Variants in SVEP1 observed in about 807,000 individuals in gnomAD.
The protein encoded by SVEP1 is sushi, von Willebrand factor type A, EGF and pentraxin domain-containing protein 1.
In SVEP1, 164 loss-of-function variants were observed where a neutral mutation model predicts 367.3. That is an observed-to-expected ratio of 0.45 (90% CI 0.39 to 0.51). SVEP1 has a LOEUF of 0.51. Ranked by LOEUF, SVEP1 falls within the 20% of genes least tolerant of loss-of-function variation. The pLI is 0.00. For missense variants in SVEP1, 4,117 were observed against 4,425.3 expected (o/e 0.93, Z 1.98); for synonymous variants, 1,666 against 1,611.6 (o/e 1.03, Z -0.81).
chr9:110,441,971 T>C (rs1828515679), intron 27 of SVEP1, among the ~76,000 whole-genome samples: 1 of 152,188 alleles, frequency 6.6e-6, no homozygotes, highest in Non-Finnish European at 1.5e-5. Context: ...ATGTCCGCCC[T>C]CTCTACCTGC....
At chr9:110,508,944 T>G (rs1588085893) in intron 5 of SVEP1, among the ~76,000 whole-genome samples, 1 of 152,164 alleles carries the variant, frequency 6.6e-6, no homozygotes, top group East Asian at 1.9e-4. Context: ...TTAGATTTTA[T>G]GCAGGTCTTT....
In SVEP1 at chr9:110,379,327, CCATT is replaced by C. The variant is rs1477081593; in HGVS notation, c.10408+16_10408+19del. The C allele has an allele frequency of 1.2e-6, 2 of 1,610,284 alleles. No homozygotes were observed. The highest frequency in any genetic ancestry group is 1.7e-6 in the Non-Finnish European group (2 of 1,177,640). ...TCCCTGCAGTTTCACTAAGAAATAA[CCATT>C]CAAATATTTCCTTACCTCTGCAAAT... On this transcript the variant is annotated intron_variant, in intron 44 of 47. Coordinates refer to ENST00000374469, the MANE Select transcript of SVEP1 (RefSeq NM_153366.4).
chr9:110,377,683 T>C (rs989627089), intron 44 of SVEP1, among the ~76,000 whole-genome samples: 2 of 152,240 alleles, frequency 1.3e-5, no homozygotes, highest in African/African-American at 4.8e-5. Flanking sequence ...AGCACATTCA[T>C]CCCCTCACAT....
At position 110,406,487 on chromosome 9, in the gene SVEP1, A is replaced by G; in HGVS notation, c.9113T>C (p.Leu3038Pro). The change falls in exon 38 of 48, where the codon CTC becomes CCC. Residue 3038 changes from leucine to proline, a missense_variant. By Grantham distance (98) the Leu-to-Pro change is moderately conservative (BLOSUM62 -3). Transcript: ENST00000374469. ...ARIQCFKGFK[L>P]LGLSEITCEA... ...ACAGGTGATTTCAGAAAGTCCTAGG[A>G]GCTTGAAGCCTTTGAAGCACTGAAT... 1 of 1,613,896 alleles carries G rather than the reference A, an allele frequency of 6.2e-7. No individual in the cohort carries two copies. The highest frequency in any genetic ancestry group is 1.1e-5 in the South Asian group (1 of 91,088).
intron 9 of SVEP1, among the ~76,000 whole-genome samples, chr9:110,486,626 C>T (rs559777724): frequency 1.3e-5 from 2 of 149,448 alleles, no homozygotes; most frequent in African/African-American, 5.0e-5. Flanking sequence ...CTTCCTTCTC[C>T]TTCCTTCTCT....
chr9:110,508,442 A>G (rs1829656592), intron 5 of SVEP1, among the ~76,000 whole-genome samples: 1 of 152,210 alleles, frequency 6.6e-6, no homozygotes, highest in Admixed American at 6.5e-5. Context: ...GAAACCACAA[A>G]AGAATCCTTT....
chr9:110,479,777 C>G lies in SVEP1; in HGVS notation c.2366-21G>C, dbSNP rs1417738786. On this transcript the variant is annotated intron_variant, in intron 12 of 47. Transcript: ENST00000374469. ...TTTTTCTAGAAAATGTTGGACAAAA[C>G]AGCTTCAGTTGGTTAGTGTTTTTAA... is the stretch of plus-strand genomic sequence containing the variant. The G allele has an allele frequency of 4.4e-6, 7 of 1,588,986 alleles. No individual in the cohort carries two copies. The East Asian group carries it at 1.4e-4, about 31-fold the overall frequency.
rs370881734 is a variant in SVEP1 at position 110,377,357 on chromosome 9, C to T, written c.10418G>A (p.Arg3473Gln). ...TSPPICRAVC[R>Q]FPCQNGGICQ... ...GATGCCCCCATTCTGACATGGAAAT[C>T]GACAGACAGCTGGAAAAGAAGCAGG... is the stretch of plus-strand genomic sequence containing the variant. The change falls in exon 45 of 48, where the codon CGA becomes CAA. Residue 3473 changes from arginine to glutamine, a missense_variant. Coordinates refer to ENST00000374469, the MANE Select transcript of SVEP1 (RefSeq NM_153366.4). 1.0e-4 allele frequency: 163 copies of T among 1,613,452 alleles called. 1 individual carries two copies. Among genetic ancestry groups the T allele is most frequent in the Non-Finnish European group, 1.3e-4 (155 of 1,179,634 alleles).
At chr9:110,368,874 A>G (rs942409847) in intron 47 of SVEP1, among the ~76,000 whole-genome samples, 2 of 152,034 alleles carry the variant, frequency 1.3e-5, no homozygotes, top group African/African-American at 4.8e-5. Context: ...CTGGCATTAG[A>G]CAGATTTTTT....
At position 110,471,387 on chromosome 9, in the gene SVEP1, G is replaced by A. The variant is rs749900925; in HGVS notation, c.2975C>T (p.Ser992Leu). The A allele has an allele frequency of 1.2e-6, 2 of 1,613,976 alleles. No homozygotes were observed. Among genetic ancestry groups the A allele is most frequent in the East Asian group, 2.2e-5 (1 of 44,886 alleles). ...ACCACACATACGCCCTCTCAGCACT[G>A]AGCCTGGTCTGCAGAAGGGGGAAGC... is the stretch of plus-strand genomic sequence containing the variant. ...KKASPFCRPG[S>L]VLRGRMCVNC... The change falls in exon 16 of 48, where the codon TCA (serine) becomes TTA (leucine). Residue 992 changes from serine to leucine, a missense_variant. Physicochemically the swap from Ser to Leu is moderately radical, Grantham distance 145. Coordinates refer to ENST00000374469, the MANE Select transcript of SVEP1 (RefSeq NM_153366.4).
At chr9:110,454,108 AG>A (rs762288040) in intron 22 of SVEP1, among the ~76,000 whole-genome samples, 4 of 152,158 alleles carry the variant, frequency 2.6e-5, no homozygotes, top group Non-Finnish European at 4.4e-5. Context: ...TCTGAATACT[AG>A]GCCTTTGTCA....
chr9:110,427,816 A>G lies in SVEP1; in HGVS notation c.5808-58T>C, dbSNP rs959854575. The G allele has an allele frequency of 7.2e-6, 11 of 1,535,836 alleles. No homozygotes were observed. In the African/African-American group the frequency reaches 1.5e-4, roughly 21 times the overall value. On this transcript the variant is annotated intron_variant, in intron 35 of 47. Coordinates refer to ENST00000374469, the MANE Select transcript of SVEP1 (RefSeq NM_153366.4). Reference sequence around the variant, plus strand: ...GCTATGGATTTGCTGCTATGGAGATAAAACAGGAAGAACTCTGGAGAAAAT... The same window carrying G: ...GCTATGGATTTGCTGCTATGGAGATGAAACAGGAAGAACTCTGGAGAAAAT...
At chr9:110,507,258 G>T (rs180943774) in intron 5 of SVEP1, among the ~76,000 whole-genome samples, 1 of 152,128 alleles carries the variant, frequency 6.6e-6, no homozygotes, top group South Asian at 2.1e-4. Flanking sequence ...TTGAGACTCC[G>T]GGTGGGATAT....
intron 44 of SVEP1, among the ~76,000 whole-genome samples, chr9:110,378,648 G>A (rs1827387400): frequency 6.6e-6 from 1 of 151,228 alleles, no homozygotes; most frequent in African/African-American, 2.4e-5. Context: ...ATTGCTTTTG[G>A]TGTTTTAGAC....
chr9:110,468,927 A>G lies in SVEP1; in HGVS notation c.3160+13T>C, dbSNP rs567564774. ...TGGGCTGCTTCTAGTTGAAATGTCC[A>G]GTAAGCCTCTACCTTTACAATCAGA... is the stretch of plus-strand genomic sequence containing the variant. On this transcript the variant is annotated intron_variant, in intron 17 of 47. Transcript: ENST00000374469. 3 of 1,548,798 alleles carry G rather than the reference A, an allele frequency of 1.9e-6. No individual in the cohort carries two copies. Among genetic ancestry groups the G allele is most frequent in the East Asian group, 2.3e-5 (1 of 42,912 alleles).
chr9:110,438,052 T>C (rs917671585), intron 27 of SVEP1, among the ~76,000 whole-genome samples: 12 of 152,160 alleles, frequency 7.9e-5, no homozygotes, highest in African/African-American at 2.9e-4. Flanking sequence ...TATGTGTATG[T>C]ATGTGTGAGG....
chr9:110,408,843 T>C lies in SVEP1; in HGVS notation c.6757A>G (p.Ser2253Gly), dbSNP rs1019942155. 6.2e-6 allele frequency: 10 copies of C among 1,613,478 alleles called. No individual in the cohort carries two copies. Among genetic ancestry groups the C allele is most frequent in the African/African-American group, 5.3e-5 (4 of 74,932 alleles). The change falls in exon 38 of 48, where the codon AGT becomes GGT. Residue 2253 changes from serine to glycine, a missense_variant. Coordinates refer to ENST00000374469, the MANE Select transcript of SVEP1 (RefSeq NM_153366.4). ...FVCQANRHWH[S>G]ESPLMCVPLD... ...GGAACACACATCAGAGGGGATTCAC[T>C]GTGCCAGTGGCGATTGGCTTGGCAG...
chr9:110,515,399 C>T (rs953704850), intron 3 of SVEP1, among the ~76,000 whole-genome samples: 8 of 147,340 alleles, frequency 5.4e-5, no homozygotes, highest in Non-Finnish European at 1.0e-4. Context: ...CTCCCTGGTT[C>T]GTGCCATTCT....
chr9:110,379,974 G>T (rs748334983), intron 43 of SVEP1, among the ~76,000 whole-genome samples: 3 of 152,194 alleles, frequency 2.0e-5, no homozygotes, highest in Non-Finnish European at 2.9e-5. Flanking sequence ...TGCCTAGCAT[G>T]CAACATGCTC....
Sources: gnomAD v4.1 joint callset for allele counts (sites outside exome capture counted in the v4.1 genomes callset) on GRCh38, gnomAD v4.1.1 for gene constraint, MANE v1.5 for transcripts, NCBI Gene and HGNC (gene_info 2026-07-23, HGNC 2026-07-21) for gene names.